The following EXT1 variants were observed in gnomAD, a reference collection of about 807,000 sequenced individuals.
The protein encoded by EXT1 is exostosin glycosyltransferase 1, also known as exostosin-1.
A neutral mutation model predicts 82.5 loss-of-function variants in EXT1; 20 were observed. The observed-to-expected ratio is 0.24, with a 90% CI of 0.17 to 0.35. The LOEUF (loss-of-function observed/expected upper bound fraction) is 0.35. EXT1 is among the 10% of genes least tolerant of loss of function. The pLI is 1.00. For missense variants in EXT1, 757 were observed against 936.5 expected (o/e 0.81, Z 2.50); for synonymous variants, 348 against 350.8 (o/e 0.99, Z 0.09).
chr8:117,819,388 A>G (rs1369710665), intron 6 of EXT1, among the ~76,000 whole-genome samples: 2 of 152,144 alleles, frequency 1.3e-5, no homozygotes, highest in African/African-American at 4.8e-5. Flanking sequence ...ATGTGCTTGT[A>G]TCTTCTTTAG....
intron 1 of EXT1, among the ~76,000 whole-genome samples, chr8:117,883,573 G>A (rs1249602793): frequency 6.6e-6 from 1 of 152,200 alleles, no homozygotes; most frequent in Admixed American, 6.5e-5. Context: ...TCTCCTAAAG[G>A]CACATCTGTT....
Position 118,111,197 on chromosome 8 carries a change from G to A in EXT1, c.-151C>T. On this transcript the variant is annotated 5_prime_UTR_variant, in exon 1 of 11. In the 5' UTR this introduces an upstream ATG that the reference lacks. Coordinates refer to ENST00000378204, the MANE Select transcript of EXT1 (RefSeq NM_000127.3). The stretch of plus-strand genomic sequence containing the variant: ...TTCTCTGGATGCCTTTCCCCAAGCC[G>A]TGGACTGATCCAGCGCATGTGGGCG... 8.9e-7 allele frequency: 1 copy of A among 1,124,734 alleles called. No homozygotes were observed. The highest frequency in any genetic ancestry group is 1.3e-6 in the Non-Finnish European group (1 of 775,868). The allele number at this position is 1,124,734 out of a possible 1,614,324, so 69.7% of individuals were successfully genotyped here. A position where few individuals can be genotyped will look rare whatever the true frequency, so the allele number is the denominator to read the frequency against.
rs11562705 is a variant in EXT1, at chr8:117,927,014, T to C, written c.963-89813A>G. 4.7e-3 allele frequency among the ~76,000 whole-genome samples: 720 copies of C among 152,354 alleles called. 7 individuals carry two copies. Among genetic ancestry groups the C allele is most frequent in the African/African-American group, 0.015 (636 of 41,576 alleles). ...TTTACATGTGCAATTTATGACTCCT[T>C]CAGTGTGTCGTCCTCTTTTGGGTTC... On this transcript the variant is annotated intron_variant, in intron 1 of 10. Coordinates refer to ENST00000378204, the MANE Select transcript of EXT1 (RefSeq NM_000127.3).
chr8:117,882,050 A>C (rs1813070666), intron 1 of EXT1, among the ~76,000 whole-genome samples: 1 of 152,192 alleles, frequency 6.6e-6, no homozygotes, highest in Non-Finnish European at 1.5e-5. Flanking sequence ...GTAACCAGAC[A>C]AAACCAAGTG....
chr8:118,024,530 GAA>G (rs11293136), intron 1 of EXT1, among the ~76,000 whole-genome samples: 6 of 147,310 alleles, frequency 4.1e-5, no homozygotes, highest in African/African-American at 7.4e-5. Context: ...TTAAAAAAAA[GAA>G]AAAAAAAAAC....
intron 1 of EXT1, among the ~76,000 whole-genome samples, chr8:118,073,275 T>C (rs1817129241): frequency 6.6e-6 from 1 of 152,138 alleles, no homozygotes; most frequent in Non-Finnish European, 1.5e-5. Context: ...CAAAGAGAAA[T>C]GAAATGACAC....
chr8:117,849,101 C>T (rs545213401), intron 1 of EXT1, among the ~76,000 whole-genome samples: 1 of 152,242 alleles, frequency 6.6e-6, no homozygotes, highest in Admixed American at 6.5e-5. Context: ...CTTGCTGTGC[C>T]CTCTGCCTGG....
At chr8:117,885,103 T>G (rs1813124355) in intron 1 of EXT1, among the ~76,000 whole-genome samples, 1 of 152,124 alleles carries the variant, frequency 6.6e-6, no homozygotes, top group African/African-American at 2.4e-5. Flanking sequence ...CTGTTGAAGG[T>G]GAGAAAATGG....
intron 1 of EXT1, among the ~76,000 whole-genome samples, chr8:117,871,733 G>A (rs919912615): frequency 3.9e-5 from 6 of 152,104 alleles, no homozygotes; most frequent in African/African-American, 9.7e-5. Flanking sequence ...TGAGACAGAG[G>A]GGTCATCAGG....
At chr8:117,860,055 G>A (rs571104693) in intron 1 of EXT1, among the ~76,000 whole-genome samples, 2 of 148,782 alleles carry the variant, frequency 1.3e-5, no homozygotes, top group South Asian at 4.3e-4. Context: ...GCTGAGGCAG[G>A]AGAATTGCTT....
intron 1 of EXT1, among the ~76,000 whole-genome samples, chr8:118,064,502 A>G (rs769830337): frequency 2.0e-4 from 31 of 152,332 alleles, no homozygotes; most frequent in Non-Finnish European, 3.8e-4. Flanking sequence ...TGCAAAGTAC[A>G]TGAACTCACC....
chr8:117,852,735 T>TCATC (rs899174352), intron 1 of EXT1, among the ~76,000 whole-genome samples: 1 of 152,138 alleles, frequency 6.6e-6, no homozygotes, highest in Non-Finnish European at 1.5e-5. Flanking sequence ...TTCCATTCAT[T>TCATC]CATCCATCCA....
chr8:117,945,384 G>T (rs1383087639), intron 1 of EXT1, among the ~76,000 whole-genome samples: 1 of 152,112 alleles, frequency 6.6e-6, no homozygotes, highest in East Asian at 1.9e-4. Flanking sequence ...TGATTTTTTA[G>T]TCTAGTTCTT....
intron 1 of EXT1, among the ~76,000 whole-genome samples, chr8:118,067,344 A>G (rs907622246): frequency 3.3e-5 from 5 of 152,214 alleles, no homozygotes; most frequent in African/African-American, 1.2e-4. Flanking sequence ...TTACTTATGC[A>G]GGCATAGCTT....
intron 1 of EXT1, among the ~76,000 whole-genome samples, chr8:117,995,521 A>C (rs914215533): frequency 2.0e-5 from 3 of 152,082 alleles, no homozygotes; most frequent in African/African-American, 7.2e-5. Context: ...CGTGGTTGGC[A>C]GGGTAGCTGT....
At chr8:117,849,060 A>G (rs752825872) in intron 1 of EXT1, among the ~76,000 whole-genome samples, 7 of 152,216 alleles carry the variant, frequency 4.6e-5, no homozygotes, top group Admixed American at 2.6e-4. Flanking sequence ...TTCTTGACAG[A>G]GAATGCTAAC....
At chr8:118,046,553 T>C (rs535370897) in intron 1 of EXT1, among the ~76,000 whole-genome samples, 133 of 152,274 alleles carry the variant, frequency 8.7e-4, no homozygotes, top group Non-Finnish European at 1.5e-3. Flanking sequence ...AGGCAGTGAC[T>C]GCAGAGCTCA....
intron 4 of EXT1, among the ~76,000 whole-genome samples, chr8:117,823,723 G>A (rs1329506955): frequency 2.6e-5 from 4 of 152,012 alleles, no homozygotes; most frequent in Non-Finnish European, 5.9e-5. Context: ...CAAATCTTAT[G>A]TTTATTTTCC....
intron 1 of EXT1, among the ~76,000 whole-genome samples, chr8:117,871,636 A>G (rs1432978321): frequency 6.6e-6 from 1 of 152,220 alleles, no homozygotes; most frequent in Admixed American, 6.5e-5. Context: ...CTGGTCCACA[A>G]GCACTTCTAT....
Sources: allele counts gnomAD v4.1 joint callset (sites outside exome capture counted in the v4.1 genomes callset), GRCh38; gene constraint gnomAD v4.1.1; transcripts MANE v1.5; gene names NCBI Gene and HGNC (gene_info 2026-07-23, HGNC 2026-07-21).